CLCN5: variants seen among roughly 807,000 people sequenced by gnomAD.
CLCN5 encodes the protein Cl-/H+ antiporter 5, also known as H(+)/Cl(-) exchange transporter 5.
Under a neutral mutation model 54.0 loss-of-function variants are expected in CLCN5, and 17 were observed. The ratio of observed to expected loss-of-function variants is 0.31; its 90% CI spans 0.22 to 0.47. The LOEUF (loss-of-function observed/expected upper bound fraction) is 0.47. CLCN5 is among the 20% of genes least tolerant of loss of function. The pLI is 1.00. For synonymous variants in CLCN5, 222 were observed against 233.0 expected (o/e 0.95, Z 0.43); for missense variants, 448 against 646.7 (o/e 0.69, Z 3.33).
intron 7 of CLCN5, 75 bp downstream of exon 7, chrX:50,076,057 A>G (rs1018912769): frequency 1.0e-6 from 1 of 956,941 alleles, no homozygotes; most frequent in Non-Finnish European, 1.5e-6. Context: ...CTGTGCTCAC[A>G]GCAATTGCGG....
intron 3 of CLCN5, among the ~76,000 whole-genome samples, chrX:49,962,645 T>C: frequency 8.9e-6 from 1 of 112,039 alleles, no homozygotes; most frequent in African/African-American, 3.2e-5. Flanking sequence ...GTTGTCCTTA[T>C]GAAAGAGTGA....
intron 3 of CLCN5, among the ~76,000 whole-genome samples, chrX:49,987,701 C>T (rs1333873440): frequency 1.8e-5 from 2 of 111,293 alleles, no homozygotes; most frequent in African/African-American, 6.5e-5. Context: ...TCCTGGAAGT[C>T]CCCTAAACAG....
At chrX:50,011,853 C>G (rs1249096022) in intron 3 of CLCN5, among the ~76,000 whole-genome samples, 1 of 112,074 alleles carries the variant, frequency 8.9e-6, no homozygotes, top group Non-Finnish European at 1.9e-5. Context: ...CTGCTTGGGC[C>G]TTCAGTCCTG....
intron 3 of CLCN5, among the ~76,000 whole-genome samples, chrX:49,947,562 A>G (rs1196779067): frequency 9.0e-6 from 1 of 111,424 alleles, no homozygotes; most frequent in Non-Finnish European, 1.9e-5. Context: ...TCACCTCCTT[A>G]TATAGCAACC....
At chrX:49,925,129 A>T (rs1403348414) in intron 2 of CLCN5, 42 bp from the exon 3 acceptor site, 1 of 529,064 alleles carries the variant, frequency 1.9e-6, no homozygotes, top group Non-Finnish European at 3.3e-6. Context: ...TTTGAAGTGT[A>T]TAGTTTCTTT....
Position 50,086,557 on chromosome X carries a change from G to A in CLCN5, c.1244G>A (p.Arg415Gln), listed in dbSNP as rs190451218. ...LFIRTNIAWC[R>Q]KRKTTQLGKY... ...ATCCGCACAAACATTGCCTGGTGTC[G>A]GAAGCGAAAGACCACCCAGTTGGGC... Residue 415 changes from arginine to glutamine, a missense_variant, in exon 11 of 15, where the codon CGG becomes CAG. This residue lies in a region of CLCN5 where 297 missense variants were observed against 470.4 expected (regional missense o/e 0.63). Coordinates refer to ENST00000376091, the MANE Select transcript of CLCN5 (RefSeq NM_001127898.4). 620 of 1,208,533 alleles carry A rather than the reference G, an allele frequency of 5.1e-4. No individual in the cohort carries two copies. Among genetic ancestry groups the A allele is most frequent in the Admixed American group, 6.4e-4 (29 of 45,476 alleles).
intron 3 of CLCN5, among the ~76,000 whole-genome samples, chrX:49,969,198 C>T (rs1293320705): frequency 9.0e-6 from 1 of 111,001 alleles, no homozygotes; most frequent in Non-Finnish European, 1.9e-5. Context: ...GTGCTTCAGC[C>T]TCCCAAGTAG....
Position 49,936,076 on chromosome X carries a change from A to C in CLCN5, c.16+10762A>C, listed in dbSNP as rs145323542. On this transcript the variant is annotated intron_variant, in intron 3 of 14. Coordinates refer to ENST00000376091, the MANE Select transcript of CLCN5 (RefSeq NM_001127898.4). ...TCCTATCAGGATTGCCATGGAGATT[A>C]AATGAGATAAAGTATGCTAAGGTGC... 6.9e-3 allele frequency among the ~76,000 whole-genome samples: 769 copies of C among 111,650 alleles called. 6 individuals are homozygous for C. The highest frequency in any genetic ancestry group is 0.024 in the African/African-American group (747 of 30,766).
intron 3 of CLCN5, among the ~76,000 whole-genome samples, chrX:49,961,678 C>G (rs1275190341): frequency 8.9e-6 from 1 of 112,132 alleles, no homozygotes; most frequent in Non-Finnish European, 1.9e-5. Flanking sequence ...TATGTAGACT[C>G]CTCTAGCCCT....
At chrX:49,982,534 G>T (rs1928789222) in intron 3 of CLCN5, among the ~76,000 whole-genome samples, 1 of 111,232 alleles carries the variant, frequency 9.0e-6, no homozygotes, top group Non-Finnish European at 1.9e-5. Flanking sequence ...AAACACAGGA[G>T]AGAGAAAAAA....
chrX:49,973,659 CTT>C (rs572659172), intron 3 of CLCN5, among the ~76,000 whole-genome samples: 1 of 104,622 alleles, frequency 9.6e-6, no homozygotes, highest in African/African-American at 3.5e-5. Context: ...GCTCAACTTA[CTT>C]TTTTTTTTTT....
Position 49,930,057 on chromosome X carries a change from A to G in CLCN5, c.16+4743A>G, listed in dbSNP as rs186169583. Reference sequence around the variant, plus strand: ...AAGAAAAAAACAAGTATTTTACTAGAAAAATGTACAAAGGACGAGGGAAAA... The same window carrying G: ...AAGAAAAAAACAAGTATTTTACTAGGAAAATGTACAAAGGACGAGGGAAAA... On this transcript the variant is annotated intron_variant, in intron 3 of 14. Transcript: ENST00000376091. Among the ~76,000 whole-genome samples the G allele has an allele frequency of 1.6e-3, 183 of 112,014 alleles. 1 individual carries two copies. The highest frequency in any genetic ancestry group is 3.1e-3 in the Non-Finnish European group (166 of 53,204).
At chrX:49,980,030 TA>T (rs1258833381) in intron 3 of CLCN5, among the ~76,000 whole-genome samples, 1 of 111,853 alleles carries the variant, frequency 8.9e-6, no homozygotes, top group Non-Finnish European at 1.9e-5. Context: ...CTTTTATAAA[TA>T]CTAACTAATC....
chrX:50,060,984 AT>A (rs1180267321), intron 4 of CLCN5, among the ~76,000 whole-genome samples: 1 of 87,301 alleles, frequency 1.1e-5, no homozygotes, highest in Non-Finnish European at 2.2e-5. Flanking sequence ...CAGAAAGGAC[AT>A]CCACACCAAA....
intron 3 of CLCN5, among the ~76,000 whole-genome samples, chrX:49,993,183 A>G (rs1461095851): frequency 1.8e-5 from 2 of 111,561 alleles, no homozygotes; most frequent in African/African-American, 6.5e-5. Context: ...CTCCACCACC[A>G]AGGTCAACCT....
chrX:49,950,421 C>G (rs1926984889), intron 3 of CLCN5, among the ~76,000 whole-genome samples: 1 of 111,218 alleles, frequency 9.0e-6, no homozygotes, highest in East Asian at 2.8e-4. Context: ...TTATTGAATC[C>G]TTACAATTTA....
chrX:49,942,610 T>C (rs978005438), intron 3 of CLCN5, among the ~76,000 whole-genome samples: 1 of 94,180 alleles, frequency 1.1e-5, no homozygotes, highest in African/African-American at 4.0e-5. Context: ...TGCGTCCAAG[T>C]GTTCTCATTG....
At position 49,931,565 on chromosome X, in the gene CLCN5, T is replaced by C. The variant is rs147871516; in HGVS notation, c.16+6251T>C. On this transcript the variant is annotated intron_variant, in intron 3 of 14. Transcript: ENST00000376091. ...CTAGGGGAATGTAAGTATATTATGA[T>C]AGTTCCAAACAGTATAATATCTGGC... is the stretch of plus-strand genomic sequence containing the variant. Among the ~76,000 whole-genome samples the C allele has an allele frequency of 9.8e-3, 1,087 of 110,637 alleles. 11 individuals carry two copies. Among genetic ancestry groups the C allele is most frequent in the Non-Finnish European group, 0.015 (772 of 52,893 alleles).
At chrX:49,926,697 C>T (rs1192725433) in intron 3 of CLCN5, among the ~76,000 whole-genome samples, 1 of 111,887 alleles carries the variant, frequency 8.9e-6, no homozygotes, top group Non-Finnish European at 1.9e-5. Context: ...TAATAAAGAG[C>T]CTTGTATGTT....
Sources: allele counts gnomAD v4.1 joint callset (sites outside exome capture counted in the v4.1 genomes callset), GRCh38; gene constraint gnomAD v4.1.1; regional missense constraint gnomAD v4.1.1; transcripts MANE v1.5; gene names NCBI Gene and HGNC (gene_info 2026-07-23, HGNC 2026-07-21).